The following SERPINB9 variants were observed in gnomAD, a reference collection of about 807,000 sequenced individuals.
SERPINB9 encodes the protein serpin B9.
SERPINB9 carries 20 observed loss-of-function variants against 27.2 expected under a neutral mutation model. The observed-to-expected ratio is 0.74, with a 90% confidence interval of 0.52 to 1.07. The LOEUF is 1.07. Ranked by LOEUF, SERPINB9 falls within the 50% of genes least tolerant of loss-of-function variation. The probability of loss-of-function intolerance (pLI) is 0.00; values close to 1 mark genes in which losing one functional copy is unlikely to be tolerated. For synonymous variants in SERPINB9, 189 were observed against 180.0 expected (o/e 1.05, Z -0.40); for missense variants, 476 against 460.1 (o/e 1.03, Z -0.32).
At chr6:2,896,485 G>GA (rs1260156794) in intron 2 of SERPINB9, among the ~76,000 whole-genome samples, 2 of 151,842 alleles carry the variant, frequency 1.3e-5, no homozygotes, top group Admixed American at 1.3e-4. Flanking sequence ...GTTAAAAGCA[G>GA]AAAAAATGCA....
chr6:2,895,153 T>G (rs1767950061), intron 4 of SERPINB9, among the ~76,000 whole-genome samples: 1 of 152,208 alleles, frequency 6.6e-6, no homozygotes, highest in African/African-American at 2.4e-5. Context: ...AGAACCTTTA[T>G]GAGTCCATCA....
chr6:2,891,859 G>GCAGCAGCAC lies in SERPINB9; in HGVS notation c.688_696dup (p.Val230_Leu232dup), dbSNP rs1561643565. On this transcript the variant is annotated inframe_insertion, in exon 6 of 7. Transcript: ENST00000380698. The surrounding 1 kb of genome is among the most constrained non-coding windows in gnomAD (Gnocchi z 4.0). ...GTGCTGAGCTCCACGCCGTCGTCAG[G>GCAGCAGCAC]CAGCAGCACCAGCAGGCTCAGCTCC... 1 of 1,608,748 alleles carries GCAGCAGCAC rather than the reference G, an allele frequency of 6.2e-7. No homozygotes were observed. Among genetic ancestry groups the GCAGCAGCAC allele is most frequent in the Admixed American group, 1.7e-5 (1 of 59,584 alleles).
intron 2 of SERPINB9, chr6:2,900,148 T>C: frequency 2.2e-6 from 1 of 459,898 alleles, no homozygotes; most frequent in South Asian, 2.4e-5. Flanking sequence ...TCAAATAATT[T>C]CAGTGTCATT....
chr6:2,890,567 C>G lies in SERPINB9; in HGVS notation c.727G>C (p.Glu243Gln). 1 of 1,605,904 alleles carries G rather than the reference C, an allele frequency of 6.2e-7. No homozygotes were observed. The highest frequency in any genetic ancestry group is 1.3e-5 in the African/African-American group (1 of 74,822). ...PDDGVELSTV[E>Q]KSLTFEKLTA... is the part of the protein sequence containing the mutation. Reference sequence around the variant, plus strand: ...AGTTTCTCAAAAGTGAGACTTTTTTCCACCTGAAAGACCAGAATTAGACTT... The same window carrying G: ...AGTTTCTCAAAAGTGAGACTTTTTTGCACCTGAAAGACCAGAATTAGACTT... The change falls in exon 7 of 7, where the codon GAA (glutamate) becomes CAA (glutamine). Residue 243 changes from glutamate (E) to glutamine (Q), a missense_variant. Coordinates refer to ENST00000380698, the MANE Select transcript of SERPINB9 (RefSeq NM_004155.6). The surrounding 1 kb of genome is among the most constrained non-coding windows in gnomAD (Gnocchi z 6.2).
rs1401759923 is a variant in SERPINB9 at position 2,888,571 on chromosome 6, G to A, written c.*1592C>T. On this transcript the variant is annotated 3_prime_UTR_variant, in exon 7 of 7. Transcript: ENST00000380698. ...CAAAAACTTGTACTAAGTGAAAGAA[G>A]CCAGACACAAAAGGTCTCATACAAT... The A allele has an allele frequency of 6.6e-6, 1 of 152,172 alleles. No individual in the cohort carries two copies. Among genetic ancestry groups the A allele is most frequent in the Admixed American group, 6.5e-5 (1 of 15,274 alleles). The allele number at this position is 152,172 out of a possible 1,614,324, so 9.4% of individuals were successfully genotyped here.
At position 2,903,031 on chromosome 6, in the gene SERPINB9, A is replaced by G. The variant is rs1417302596; in HGVS notation, c.-11+170T>C. 1.3e-5 allele frequency among the ~76,000 whole-genome samples: 2 copies of G among 151,844 alleles called. No homozygotes were observed. Among genetic ancestry groups the G allele is most frequent in the African/African-American group, 4.8e-5 (2 of 41,310 alleles). On this transcript the variant is annotated intron_variant, in intron 1 of 6. Transcript: ENST00000380698. The surrounding 1 kb of genome is among the most constrained non-coding windows in gnomAD (Gnocchi z 5.2). ...AAGGCGGAGACCGGCTGCCGCTCCC[A>G]GGCACCCCCCAGAGACCGTTGCTGA...
chr6:2,891,095 G>C lies in SERPINB9; in HGVS notation c.724-525C>G, dbSNP rs1767785518. On this transcript the variant is annotated intron_variant, in intron 6 of 6. Transcript: ENST00000380698. The surrounding 1 kb of genome is among the most constrained non-coding windows in gnomAD (Gnocchi z 4.0). ...GCATAGTTTCAGGAAGGTGGGCAGA[G>C]GGAGAGCCAATGGCTGCTGCGCACA... Among the ~76,000 whole-genome samples, 1 of 152,316 alleles carries C rather than the reference G, an allele frequency of 6.6e-6. No homozygotes were observed. The highest frequency in any genetic ancestry group is 2.4e-5 in the African/African-American group (1 of 41,566).
Position 2,891,916 on chromosome 6 carries a change from C to G in SERPINB9, c.640G>C (p.Ala214Pro). 2 of 1,613,242 alleles carry G rather than the reference C, an allele frequency of 1.2e-6. No homozygotes were observed. Reference protein sequence around the residue: ...FKLAHVGEVRAQLLELPYARK... With the variant: ...FKLAHVGEVRPQLLELPYARK... ...GCGTAGGGCAGCTCCAGCAGCTGCG[C>G]GCGCACCTCGCCCACGTGGGCGAGC... Residue 214 changes from alanine to proline, a missense_variant, in exon 6 of 7, where the codon GCG (alanine) becomes CCG (proline). Physicochemically the swap from Ala to Pro is conservative, Grantham distance 27 (BLOSUM62 -1). Transcript: ENST00000380698. The surrounding 1 kb of genome is among the most constrained non-coding windows in gnomAD (Gnocchi z 4.0).
Position 2,901,353 on chromosome 6 carries a change from G to A in SERPINB9, c.-10-732C>T, listed in dbSNP as rs533652466. On this transcript the variant is annotated intron_variant, in intron 1 of 6. Transcript: ENST00000380698. The stretch of plus-strand genomic sequence containing the variant: ...TTGGACAATTGTGTGGTTTTGCTTC[G>A]TTTTGTTTTGTTTTTAATGTGCTTC... Among the ~76,000 whole-genome samples, 8 of 152,306 alleles carry A rather than the reference G, an allele frequency of 5.3e-5. No individual in the cohort carries two copies. The South Asian group carries it at 6.2e-4, about 12-fold the overall frequency.
chr6:2,894,303 T>A lies in SERPINB9; in HGVS notation c.425-750A>T, dbSNP rs1272165441. On this transcript the variant is annotated intron_variant, in intron 4 of 6. Coordinates refer to ENST00000380698, the MANE Select transcript of SERPINB9 (RefSeq NM_004155.6). The surrounding 1 kb of genome is among the most constrained non-coding windows in gnomAD (Gnocchi z 4.7). ...ACAGAAATGGAAATGTTCCTGGTGG[T>A]ACTAAGCATAATTGGCGCAGAGGAG... Among the ~76,000 whole-genome samples, 1 of 152,190 alleles carries A rather than the reference T, an allele frequency of 6.6e-6. No individual in the cohort carries two copies. Among genetic ancestry groups the A allele is most frequent in the Non-Finnish European group, 1.5e-5 (1 of 68,026 alleles).
rs950765748 is a variant in SERPINB9 at position 2,894,265 on chromosome 6, G to A, written c.425-712C>T. Among the ~76,000 whole-genome samples the A allele has an allele frequency of 3.9e-5, 6 of 152,138 alleles. No individual in the cohort carries two copies. In the South Asian group the frequency reaches 1.2e-3, roughly 32 times the overall value. ...CGAAGAACGTCTCCCATTCTTTACC[G>A]TCTCATTTATTCACAGAAATGGAAA... On this transcript the variant is annotated intron_variant, in intron 4 of 6. Transcript: ENST00000380698. This position sits in a 1 kb window ranked among gnomAD's most constrained non-coding sequence, Gnocchi z 4.7.
intron 4 of SERPINB9, among the ~76,000 whole-genome samples, chr6:2,893,980 C>T (rs963406339): frequency 2.6e-5 from 4 of 152,018 alleles, no homozygotes; most frequent in African/African-American, 4.8e-5. Flanking sequence ...CGGCTCAAAG[C>T]GGGAAGAGCT....
intron 2 of SERPINB9, among the ~76,000 whole-genome samples, chr6:2,898,768 C>T (rs1024618450): frequency 1.3e-5 from 2 of 150,684 alleles, no homozygotes; most frequent in Non-Finnish European, 3.0e-5. Flanking sequence ...AAGCTGAGAT[C>T]GCACCACTGC....
intron 3 of SERPINB9, among the ~76,000 whole-genome samples, chr6:2,895,844 T>C (rs78476257): frequency 0.024 from 3,655 of 152,112 alleles, 86 homozygotes; most frequent in East Asian, 0.069. Context: ...CTCACATCTG[T>C]AATCCCAACA....
At position 2,889,642 on chromosome 6, in the gene SERPINB9, C is replaced by T. The variant is rs1174162882; in HGVS notation, c.*521G>A. ...CCCGGGAGGCGGAGCTTGCAGTGAG[C>T]CGAGATCGAGCCACTGCACTCCAGC... On this transcript the variant is annotated 3_prime_UTR_variant, in exon 7 of 7. Transcript: ENST00000380698. The T allele has an allele frequency of 1.4e-5, 2 of 146,598 alleles. No individual in the cohort carries two copies. Among genetic ancestry groups the T allele is most frequent in the Admixed American group, 7.1e-5 (1 of 14,100 alleles). The allele number at this position is 146,598 out of a possible 1,614,324, so 9.1% of individuals were successfully genotyped here.
chr6:2,898,839 G>A (rs1768094610), intron 2 of SERPINB9, among the ~76,000 whole-genome samples: 1 of 151,766 alleles, frequency 6.6e-6, no homozygotes, highest in African/African-American at 2.4e-5. Flanking sequence ...AAATAGGACT[G>A]GAGGAAGATG....
chr6:2,896,028 T>G, intron 3 of SERPINB9, 25 bp downstream of exon 3: 3 of 1,601,734 alleles, frequency 1.9e-6, no homozygotes, highest in Non-Finnish European at 8.5e-7. Flanking sequence ...AATGCAACTT[T>G]TATTGTTCTA....
chr6:2,888,483 T>C lies in SERPINB9; in HGVS notation c.*1680A>G, dbSNP rs1452636915. 2 of 152,186 alleles carry C rather than the reference T, an allele frequency of 1.3e-5. No homozygotes were observed. Among genetic ancestry groups the C allele is most frequent in the Non-Finnish European group, 2.9e-5 (2 of 68,036 alleles). 9.4% of individuals were successfully genotyped at this position (152,186 alleles called of 1,614,324 possible). ...ATAAATAAATTGTGCTATAAACACA[T>C]AATACAATTTTATTTGGCCATAAAA... is the stretch of plus-strand genomic sequence containing the variant. On this transcript the variant is annotated 3_prime_UTR_variant, in exon 7 of 7. Coordinates refer to ENST00000380698, the MANE Select transcript of SERPINB9 (RefSeq NM_004155.6).
rs968388760 is a variant in SERPINB9, at chr6:2,896,313, T to A, written c.169-123A>T. The A allele has an allele frequency of 8.7e-5, 67 of 774,332 alleles. 1 individual carries two copies. Among genetic ancestry groups the A allele is most frequent in the Non-Finnish European group, 1.2e-4 (56 of 483,906 alleles). 48.0% of individuals were successfully genotyped at this position (774,332 alleles called of 1,614,324 possible). ...GCCATTCTGCCTGAATGGATCTCGC[T>A]TGTTTAAAGATCAGTAACACACAAA... On this transcript the variant is annotated intron_variant, in intron 2 of 6. Coordinates refer to ENST00000380698, the MANE Select transcript of SERPINB9 (RefSeq NM_004155.6).
Sources: allele counts gnomAD v4.1 joint callset (sites outside exome capture counted in the v4.1 genomes callset), GRCh38; gene constraint gnomAD v4.1.1; non-coding constraint Gnocchi (gnomAD v3.1); transcripts MANE v1.5; gene names NCBI Gene and HGNC (gene_info 2026-07-23, HGNC 2026-07-21).